The following CCDC88C variants were observed in gnomAD, a reference collection of about 807,000 sequenced individuals.
CCDC88C encodes coiled-coil and HOOK domain protein 88C, also known as protein Daple.
CCDC88C carries 131 observed loss-of-function variants against 198.8 expected under a neutral mutation model. The observed-to-expected ratio is 0.66, with a 90% confidence interval of 0.57 to 0.76. CCDC88C has a LOEUF of 0.76. Ranked by LOEUF, CCDC88C falls within the 30% of genes least tolerant of loss-of-function variation. The probability of loss-of-function intolerance (pLI) is 0.00; values close to 1 mark genes in which losing one functional copy is unlikely to be tolerated. For missense variants in CCDC88C, 2,553 were observed against 2,631.6 expected, an observed-to-expected ratio of 0.97 and a Z score of 0.65; for synonymous variants, 1,166 against 1,114.7, an observed-to-expected ratio of 1.05 and a Z score of -0.92.
intron 3 of CCDC88C, among the ~76,000 whole-genome samples, chr14:91,397,816 G>A (rs562384749): frequency 2.6e-4 from 40 of 152,342 alleles, no homozygotes; most frequent in African/African-American, 9.4e-4. Context: ...TGCGGGTGCA[G>A]ATCCTGACTG....
At chr14:91,344,986 G>T (rs1387914292) in intron 4 of CCDC88C, among the ~76,000 whole-genome samples, 2 of 150,712 alleles carry the variant, frequency 1.3e-5, no homozygotes, top group Non-Finnish European at 3.0e-5. Flanking sequence ...TGTAGACAGG[G>T]TCTCATAATA....
intron 13 of CCDC88C, among the ~76,000 whole-genome samples, chr14:91,320,484 T>C (rs995601111): frequency 1.3e-5 from 2 of 152,172 alleles, no homozygotes; most frequent in African/African-American, 4.8e-5. Context: ...TTGTATACTT[T>C]GTAATAAACA....
rs1889769001 is a variant in CCDC88C at position 91,272,318 on chromosome 14, C to T, written c.*307G>A. 7.6e-6 allele frequency: 3 copies of T among 395,512 alleles called. No individual in the cohort carries two copies. In the Admixed American group the frequency reaches 1.3e-4, roughly 17 times the overall value. The allele number at this position is 395,512 out of a possible 1,614,324, so 24.5% of individuals were successfully genotyped here. On this transcript the variant is annotated 3_prime_UTR_variant, in exon 30 of 30. Coordinates refer to ENST00000389857, the MANE Select transcript of CCDC88C (RefSeq NM_001080414.4). ...CTACTGGGACATACTGGAGTAGTGTCTGCTTTGGGGGAAGTCAGTTTGTCA... is the reference window on the plus strand; with the variant it reads ...CTACTGGGACATACTGGAGTAGTGTTTGCTTTGGGGGAAGTCAGTTTGTCA...
Position 91,273,260 on chromosome 14 carries a change from G to GC in CCDC88C, c.5451dup (p.Pro1818AlafsTer16), listed in dbSNP as rs1740639178. ...GGGGACTCCTGTTTGCAGGCCTCTG[G>GC]CCCGCTGGCCCGGAGAAGGTCAGCT... is the stretch of plus-strand genomic sequence containing the variant. On this transcript the variant is annotated frameshift_variant, in exon 30 of 30. Coordinates refer to ENST00000389857, the MANE Select transcript of CCDC88C (RefSeq NM_001080414.4). LOFTEE classifies it low-confidence loss of function (END_TRUNC). This position sits in a 1 kb window ranked among gnomAD's most constrained non-coding sequence, Gnocchi z 5.6. 6.4e-7 allele frequency: 1 copy of GC among 1,558,194 alleles called. No homozygotes were observed. Among genetic ancestry groups the GC allele is most frequent in the African/African-American group, 1.4e-5 (1 of 73,684 alleles).
chr14:91,302,356 G>A (rs1356707846), intron 20 of CCDC88C, among the ~76,000 whole-genome samples: 1 of 152,214 alleles, frequency 6.6e-6, no homozygotes, highest in Non-Finnish European at 1.5e-5. Flanking sequence ...GTACCTGAGA[G>A]CCTCTCTTTA....
rs200901253 is a variant in CCDC88C, at chr14:91,303,809, G to A, written c.3527C>T (p.Thr1176Met). 168 of 1,613,320 alleles carry A rather than the reference G, an allele frequency of 1.0e-4. 1 individual carries two copies. In the African/African-American group the frequency reaches 2.1e-3, roughly 20 times the overall value. ...CTCGGCCGATTGCCGCTCGTGCAGC[G>A]TGCCCAGGTGCTCGTGGTCCTGCAG... ...ALLQDHEHLG[T>M]LHERQSAEYE... Residue 1176 changes from threonine (T) to methionine (M), a missense_variant, in exon 20 of 30, where the codon ACG becomes ATG. Around this residue, in one of 2 missense-constraint regions of CCDC88C, gnomAD observed 1,293 missense variants for 1,219.6 expected, o/e 1.06. Transcript: ENST00000389857.
Position 91,329,741 on chromosome 14 carries a change from T to G in CCDC88C, c.1051-3685A>C, listed in dbSNP as rs573957536. Reference sequence around the variant, plus strand: ...AGGAACTGCCAGTGGCTGCTAAACCTGCAGGGCCACCATGAGGCTTCAGTG... The same window carrying G: ...AGGAACTGCCAGTGGCTGCTAAACCGGCAGGGCCACCATGAGGCTTCAGTG... On this transcript the variant is annotated intron_variant, in intron 10 of 29. Coordinates refer to ENST00000389857, the MANE Select transcript of CCDC88C (RefSeq NM_001080414.4). Among the ~76,000 whole-genome samples, 13 of 152,322 alleles carry G rather than the reference T, an allele frequency of 8.5e-5. No individual in the cohort carries two copies. The South Asian group carries it at 2.5e-3, about 29-fold the overall frequency.
intron 26 of CCDC88C, among the ~76,000 whole-genome samples, 181 bp from the exon 27 acceptor site, chr14:91,281,706 G>A (rs2139725820): frequency 6.6e-6 from 1 of 152,192 alleles, no homozygotes; most frequent in Middle Eastern, 3.4e-3. Context: ...CTCCTGCTGG[G>A]ACAACCCTGA....
chr14:91,403,496 C>G (rs569783473), intron 3 of CCDC88C, among the ~76,000 whole-genome samples: 20 of 152,218 alleles, frequency 1.3e-4, no homozygotes, highest in Non-Finnish European at 2.9e-4. Context: ...AGGCCAGCCA[C>G]TGCTGCACAG....
intron 14 of CCDC88C, among the ~76,000 whole-genome samples, chr14:91,314,418 C>T (rs1395795251): frequency 1.3e-5 from 2 of 152,226 alleles, no homozygotes; most frequent in Admixed American, 6.5e-5. Context: ...TAAGTTTCAG[C>T]GGTTTCTCTT....
At chr14:91,404,788 C>A (rs1305834876) in intron 3 of CCDC88C, among the ~76,000 whole-genome samples, 53 of 152,006 alleles carry the variant, frequency 3.5e-4, no homozygotes, top group Non-Finnish European at 2.9e-5. Context: ...ACGGTGAAAA[C>A]CCGTCTCTAC....
intron 12 of CCDC88C, among the ~76,000 whole-genome samples, chr14:91,323,698 G>A (rs1389610531): frequency 3.9e-5 from 6 of 152,234 alleles, no homozygotes; most frequent in Admixed American, 3.9e-4. Context: ...AGCCACCATG[G>A]TCTCTAACAA....
intron 15 of CCDC88C, among the ~76,000 whole-genome samples, 194 bp from the exon 16 acceptor site, chr14:91,310,180 T>A (rs573038300): frequency 6.6e-6 from 1 of 151,888 alleles, no homozygotes; most frequent in East Asian, 1.9e-4. Context: ...GCCCTCCTGG[T>A]GCTGAAAACA....
At chr14:91,376,926 C>T (rs1199213826) in intron 3 of CCDC88C, among the ~76,000 whole-genome samples, 2 of 152,224 alleles carry the variant, frequency 1.3e-5, no homozygotes, top group Admixed American at 6.5e-5. Context: ...CCCAGGACAT[C>T]GTGAAGAACT....
At chr14:91,293,373 C>T (rs1425673134) in intron 23 of CCDC88C, among the ~76,000 whole-genome samples, 1 of 100,700 alleles carries the variant, frequency 9.9e-6, no homozygotes, top group Non-Finnish European at 2.2e-5. Context: ...GGCCCACCTT[C>T]CTGCCCCCTC....
At chr14:91,331,650 C>T (rs1892831178) in intron 10 of CCDC88C, among the ~76,000 whole-genome samples, 1 of 152,202 alleles carries the variant, frequency 6.6e-6, no homozygotes, top group Non-Finnish European at 1.5e-5. Flanking sequence ...TGGCTGACCC[C>T]TCACTGCAGA....
chr14:91,348,190 G>C (rs574673476), intron 4 of CCDC88C, among the ~76,000 whole-genome samples: 1 of 152,192 alleles, frequency 6.6e-6, no homozygotes, highest in East Asian at 1.9e-4. Flanking sequence ...ATTTTCATTA[G>C]AGATGGGGTT....
At chr14:91,278,915 T>TG (rs1295574795) in intron 28 of CCDC88C, among the ~76,000 whole-genome samples, 1 of 144,686 alleles carries the variant, frequency 6.9e-6, no homozygotes, top group Non-Finnish European at 1.5e-5. Flanking sequence ...TTTTTTTTTT[T>TG]TCTGAGATAG....
At chr14:91,412,036 T>C (rs573198926) in intron 2 of CCDC88C, among the ~76,000 whole-genome samples, 237 of 152,078 alleles carry the variant, frequency 1.6e-3, no homozygotes, top group Admixed American at 2.6e-3. Flanking sequence ...AATTTAGGCT[T>C]ACAGTAACCT....
Sources: gnomAD v4.1 joint callset for allele counts (sites outside exome capture counted in the v4.1 genomes callset) on GRCh38, gnomAD v4.1.1 for gene constraint, gnomAD v4.1.1 regional missense constraint, Gnocchi (gnomAD v3.1) non-coding constraint, MANE v1.5 for transcripts, NCBI Gene and HGNC (gene_info 2026-07-23, HGNC 2026-07-21) for gene names.